The following TFCP2L1 variants were observed in gnomAD, a reference collection of about 807,000 sequenced individuals.
TFCP2L1 encodes the protein transcription factor CP2-like protein 1.
A neutral mutation model predicts 72.2 loss-of-function variants in TFCP2L1; 12 were observed. The observed-to-expected ratio is 0.17, with a 90% CI of 0.11 to 0.27. The LOEUF is 0.27. TFCP2L1 is among the 10% of genes least tolerant of loss of function. The probability of loss-of-function intolerance (pLI) is 1.00; values close to 1 mark genes in which losing one functional copy is unlikely to be tolerated. For synonymous variants in TFCP2L1, 260 were observed against 251.0 expected, an observed-to-expected ratio of 1.04 and a Z score of -0.34; for missense variants, 488 against 624.6, an observed-to-expected ratio of 0.78 and a Z score of 2.33.
At chr2:121,232,808 G>A (rs1188345692) in intron 12 of TFCP2L1, among the ~76,000 whole-genome samples, 1 of 152,122 alleles carries the variant, frequency 6.6e-6, no homozygotes. Flanking sequence ...CATGGTGTCA[G>A]CAAGTGGGAA....
chr2:121,259,475 A>C (rs1268108486), intron 2 of TFCP2L1, among the ~76,000 whole-genome samples: 1 of 152,260 alleles, frequency 6.6e-6, no homozygotes, highest in African/African-American at 2.4e-5. Flanking sequence ...AGATAAAGCA[A>C]GTGTGGCAAA....
At chr2:121,281,386 G>A (rs1213837898) in intron 1 of TFCP2L1, 115 bp from the exon 2 acceptor site, 31 of 1,189,774 alleles carry the variant, frequency 2.6e-5, no homozygotes, top group Admixed American at 1.0e-4. Context: ...GACACGGCAC[G>A]CGCATCGCAG....
intron 13 of TFCP2L1, among the ~76,000 whole-genome samples, chr2:121,227,720 T>TACGC (rs1553431253): frequency 2.7e-5 from 4 of 147,314 alleles, no homozygotes; most frequent in African/African-American, 1.0e-4. Context: ...AAACATACAA[T>TACGC]ACACACACAC....
Position 121,224,006 on chromosome 2 carries a change from A to G in TFCP2L1, c.*335T>C, listed in dbSNP as rs941167303. The G allele has an allele frequency of 2.9e-6, 1 of 350,650 alleles. No individual in the cohort carries two copies. The highest frequency in any genetic ancestry group is 2.1e-5 in the African/African-American group (1 of 48,494). 21.7% of individuals were successfully genotyped at this position (350,650 alleles called of 1,614,324 possible). On this transcript the variant is annotated 3_prime_UTR_variant, in exon 15 of 15. Coordinates refer to ENST00000263707, the MANE Select transcript of TFCP2L1 (RefSeq NM_014553.3). The stretch of plus-strand genomic sequence containing the variant: ...AATACAGGCAGCACCAAGATACCCA[A>G]TCAGCTTCCAACTAAGGGATGAGGG...
chr2:121,235,964 G>A (rs562121557), intron 10 of TFCP2L1, among the ~76,000 whole-genome samples: 9 of 152,218 alleles, frequency 5.9e-5, no homozygotes, highest in South Asian at 4.1e-4. Flanking sequence ...TTGCTACAGT[G>A]CAGACACGTT....
chr2:121,246,708 C>G, intron 6 of TFCP2L1, 110 bp downstream of exon 6: 3 of 1,405,192 alleles, frequency 2.1e-6, no homozygotes, highest in Non-Finnish European at 2.9e-6. Flanking sequence ...TAAAGGGATG[C>G]TGCGTTCCTC....
At chr2:121,250,495 C>G (rs1279125233) in intron 2 of TFCP2L1, among the ~76,000 whole-genome samples, 1 of 151,562 alleles carries the variant, frequency 6.6e-6, no homozygotes, top group African/African-American at 2.4e-5. Context: ...GCCAATTTTC[C>G]CAAAATTAAA....
intron 13 of TFCP2L1, among the ~76,000 whole-genome samples, chr2:121,227,420 G>A (rs1215189573): frequency 6.6e-5 from 10 of 152,282 alleles, no homozygotes; most frequent in East Asian, 3.9e-4. Context: ...GGTGGCTCAC[G>A]CCTGTAATCC....
chr2:121,234,264 A>C, intron 11 of TFCP2L1, 70 bp from the exon 12 acceptor site: 1 of 1,405,332 alleles, frequency 7.1e-7, no homozygotes, highest in Non-Finnish European at 1.0e-6. Context: ...ATATTCCAGG[A>C]TGGAAACAAT....
chr2:121,285,119 TC>T lies in TFCP2L1; in HGVS notation c.-11del. On this transcript the variant is annotated 5_prime_UTR_variant, in exon 1 of 15. Coordinates refer to ENST00000263707, the MANE Select transcript of TFCP2L1 (RefSeq NM_014553.3). ...TGTGCCAGAAGAGCATGGCTGGAACTCCCAGCGCGCCGACCGGGGCGCGGCA... is the reference window on the plus strand; with the variant it reads ...TGTGCCAGAAGAGCATGGCTGGAACTCCAGCGCGCCGACCGGGGCGCGGCA... 6.7e-7 allele frequency: 1 copy of T among 1,496,398 alleles called. No individual in the cohort carries two copies. The highest frequency in any genetic ancestry group is 8.9e-7 in the Non-Finnish European group (1 of 1,122,122). 92.7% of individuals were successfully genotyped at this position (1,496,398 alleles called of 1,614,324 possible).
At chr2:121,269,290 A>T (rs1271433621) in intron 2 of TFCP2L1, among the ~76,000 whole-genome samples, 2 of 151,886 alleles carry the variant, frequency 1.3e-5, no homozygotes, top group African/African-American at 4.8e-5. Flanking sequence ...CTCTACAAAA[A>T]TACAAAAATT....
chr2:121,218,318 A>G lies in TFCP2L1; in HGVS notation c.*6023T>C, dbSNP rs1178336870. The G allele has an allele frequency of 6.6e-6, 1 of 152,206 alleles. No homozygotes were observed. The highest frequency in any genetic ancestry group is 1.5e-5 in the Non-Finnish European group (1 of 68,048). The allele number at this position is 152,206 out of a possible 1,614,324, so 9.4% of individuals were successfully genotyped here. On this transcript the variant is annotated 3_prime_UTR_variant, in exon 15 of 15. Transcript: ENST00000263707. Reference sequence around the variant, plus strand: ...TTTTTTTTTTTGTGATGGGGGAGAAAACACTTCATTGGGTTCAAAGATAAT... The same window carrying G: ...TTTTTTTTTTTGTGATGGGGGAGAAGACACTTCATTGGGTTCAAAGATAAT...
chr2:121,269,375 G>A (rs1686997711), intron 2 of TFCP2L1, among the ~76,000 whole-genome samples: 1 of 152,134 alleles, frequency 6.6e-6, no homozygotes, highest in Non-Finnish European at 1.5e-5. Flanking sequence ...CTGAGCCAAG[G>A]AGGTTGAGGC....
At chr2:121,270,910 C>CTTGCTTTA (rs1687034225) in intron 2 of TFCP2L1, among the ~76,000 whole-genome samples, 1 of 145,672 alleles carries the variant, frequency 6.9e-6, no homozygotes, top group Non-Finnish European at 1.5e-5. Flanking sequence ...AAGTTGTTGG[C>CTTGCTTTA]CGGGAGTGGT....
chr2:121,248,104 G>A, intron 5 of TFCP2L1, 60 bp downstream of exon 5: 3 of 1,481,724 alleles, frequency 2.0e-6, no homozygotes, highest in Admixed American at 1.8e-5. Flanking sequence ...TTGAGAAACT[G>A]CACGCAGGCC....
chr2:121,269,712 C>A (rs968464071), intron 2 of TFCP2L1, among the ~76,000 whole-genome samples: 5 of 151,914 alleles, frequency 3.3e-5, no homozygotes, highest in African/African-American at 9.7e-5. Context: ...AGTTCGAGAC[C>A]AGCCTGGCCA....
chr2:121,280,545 C>T (rs1687234012), intron 2 of TFCP2L1, among the ~76,000 whole-genome samples: 1 of 152,026 alleles, frequency 6.6e-6, no homozygotes, highest in African/African-American at 2.4e-5. Context: ...ATCACTTGAG[C>T]CCAGGAGTTT....
intron 13 of TFCP2L1, among the ~76,000 whole-genome samples, chr2:121,227,550 A>G (rs1407258310): frequency 6.6e-6 from 1 of 151,926 alleles, no homozygotes; most frequent in Non-Finnish European, 1.5e-5. Flanking sequence ...GCACGGTGGC[A>G]GGTGCCTGTA....
chr2:121,270,678 G>A (rs1184069869), intron 2 of TFCP2L1, among the ~76,000 whole-genome samples: 1 of 152,044 alleles, frequency 6.6e-6, no homozygotes, highest in Non-Finnish European at 1.5e-5. Context: ...GTACTCATGT[G>A]GAAAGACATT....
Sources: allele counts gnomAD v4.1 joint callset (sites outside exome capture counted in the v4.1 genomes callset), GRCh38; gene constraint gnomAD v4.1.1; transcripts MANE v1.5; gene names NCBI Gene and HGNC (gene_info 2026-07-23, HGNC 2026-07-21).